Variants in SYNE1 observed in about 807,000 individuals in gnomAD.
The protein encoded by SYNE1 is nesprin-1.
SYNE1 carries 616 observed loss-of-function variants against 1,111.0 expected under a neutral mutation model. The ratio of observed to expected loss-of-function variants is 0.55; its 90% confidence interval spans 0.52 to 0.59. The LOEUF (loss-of-function observed/expected upper bound fraction) is 0.59. Ranked by LOEUF, SYNE1 falls within the 20% of genes least tolerant of loss-of-function variation. The probability of loss-of-function intolerance (pLI) is 0.00; values close to 1 mark genes in which losing one functional copy is unlikely to be tolerated. For missense variants in SYNE1, 10,006 were observed against 10,417.0 expected (o/e 0.96, Z 1.72); for synonymous variants, 3,855 against 3,825.8 (o/e 1.01, Z -0.28).
intron 98 of SYNE1, among the ~76,000 whole-genome samples, chr6:152,274,164 ACTT>A (rs2093417010): frequency 6.6e-6 from 1 of 152,170 alleles, no homozygotes; most frequent in South Asian, 2.1e-4. Context: ...AAATCATTCT[ACTT>A]CTGTTCAGTT....
intron 40 of SYNE1, 86 bp from the exon 41 acceptor site, chr6:152,417,101 C>G: frequency 6.3e-7 from 1 of 1,576,882 alleles, no homozygotes; most frequent in East Asian, 2.2e-5. Context: ...ATGTGAAGAT[C>G]TATTTTAGGT....
intron 34 of SYNE1, 91 bp downstream of exon 34, chr6:152,433,704 G>A (rs1364077031): frequency 8.1e-6 from 12 of 1,475,190 alleles, no homozygotes; most frequent in Non-Finnish European, 1.0e-5. Context: ...TGAAAGTCTT[G>A]TCCTGGGACC....
At chr6:152,573,637 A>G (rs1383077628) in intron 3 of SYNE1, among the ~76,000 whole-genome samples, 6 of 152,290 alleles carry the variant, frequency 3.9e-5, no homozygotes, top group Admixed American at 2.0e-4. Context: ...TATCTTCAAG[A>G]AATGTCAAGA....
At chr6:152,166,002 C>T (rs573716427) in intron 130 of SYNE1, among the ~76,000 whole-genome samples, 11 of 152,198 alleles carry the variant, frequency 7.2e-5, no homozygotes, top group South Asian at 2.1e-4. Context: ...CAGAGAGGTC[C>T]GTCCTGCTTT....
At chr6:152,141,111 A>C in intron 139 of SYNE1, 92 bp downstream of exon 139, 3 of 1,562,252 alleles carry the variant, frequency 1.9e-6, no homozygotes, top group African/African-American at 1.3e-5. Context: ...GTGTAGAAGA[A>C]GGCCAAGCCC....
At chr6:152,244,057 T>A (rs537380763) in intron 106 of SYNE1, among the ~76,000 whole-genome samples, 1 of 152,198 alleles carries the variant, frequency 6.6e-6, no homozygotes, top group Non-Finnish European at 1.5e-5. Context: ...ATTGAAACAA[T>A]GTCTCTATTC....
At chr6:152,350,970 A>T (rs2096731815) in intron 70 of SYNE1, among the ~76,000 whole-genome samples, 200 bp from the exon 71 acceptor site, 1 of 152,238 alleles carries the variant, frequency 6.6e-6, no homozygotes, top group African/African-American at 2.4e-5. Flanking sequence ...AGAGTCACAC[A>T]TCAAATGGCC....
chr6:152,253,817 GGTTTTTTTTTTTTTTTTTT>G (rs1191300345), intron 104 of SYNE1, among the ~76,000 whole-genome samples: 796 of 59,138 alleles, frequency 0.013, 63 homozygotes, highest in African/African-American at 0.054. Context: ...GTAGTGGTTT[GGTTTTTTTTTTTTTTTTTT>G]TTTTTTTTTT....
At chr6:152,630,251 T>C (rs898100713) in intron 2 of SYNE1, among the ~76,000 whole-genome samples, 3 of 152,142 alleles carry the variant, frequency 2.0e-5, no homozygotes, top group Non-Finnish European at 2.9e-5. Context: ...AGCGATGCAG[T>C]GAATGGAAGT....
intron 3 of SYNE1, among the ~76,000 whole-genome samples, chr6:152,543,686 G>A: frequency 6.6e-6 from 1 of 152,174 alleles, no homozygotes; most frequent in East Asian, 1.9e-4. Flanking sequence ...TGACAGTAGT[G>A]CCATAAGATT....
At chr6:152,354,200 C>T (rs1295260905) in intron 67 of SYNE1, among the ~76,000 whole-genome samples, 4 of 152,092 alleles carry the variant, frequency 2.6e-5, no homozygotes, top group Admixed American at 6.5e-5. Flanking sequence ...TTTAGACCTC[C>T]TATTGTACCT....
chr6:152,439,677 T>C (rs11964746), intron 32 of SYNE1, among the ~76,000 whole-genome samples: 3,774 of 152,038 alleles, frequency 0.025, 176 homozygotes, highest in African/African-American at 0.086. Context: ...TGGGAGAGAG[T>C]GAAGCCTTTT....
chr6:152,506,829 G>T (rs866134793), intron 8 of SYNE1, among the ~76,000 whole-genome samples: 1 of 152,136 alleles, frequency 6.6e-6, no homozygotes, highest in South Asian at 2.1e-4. Context: ...CACCTGCCTC[G>T]GCCCCCCAAA....
Position 152,373,223 on chromosome 6 carries a change from T to C in SYNE1, c.9325-4A>G, listed in dbSNP as rs1444975317. The C allele has an allele frequency of 3.1e-6, 5 of 1,607,882 alleles. No individual in the cohort carries two copies. The highest frequency in any genetic ancestry group is 1.1e-5 in the South Asian group (1 of 90,304). ...TTTCACTTTCTGACAAAAACTCCTATAAAAGAAAATATAGAATTAGCCATA... is the reference window on the plus strand; with the variant it reads ...TTTCACTTTCTGACAAAAACTCCTACAAAAGAAAATATAGAATTAGCCATA... On this transcript the variant is annotated splice_polypyrimidine_tract_variant and splice_region_variant and intron_variant, in intron 58 of 145. Transcript: ENST00000367255.
At position 152,416,416 on chromosome 6, in the gene SYNE1, T is replaced by C. The variant is rs533039765; in HGVS notation, c.6021A>G (p.Lys2007=). ...IEERTDKERL[K]EPTRQALQQR... is the part of the protein sequence containing the mutation. ...GCTGAAGAGCTTGGCGGGTAGGTTC[T>C]TTCAATCGCTCTTTGTCAGTCCTTT... The change falls in exon 41 of 146, where the codon AAA becomes AAG. Residue 2007 remains lysine, a synonymous_variant. Coordinates refer to ENST00000367255, the MANE Select transcript of SYNE1 (RefSeq NM_182961.4). The C allele has an allele frequency of 6.1e-5, 99 of 1,614,168 alleles. No individual in the cohort carries two copies. The East Asian group carries it at 2.1e-3, about 34-fold the overall frequency.
intron 39 of SYNE1, among the ~76,000 whole-genome samples, chr6:152,421,707 A>G (rs113046066): frequency 0.078 from 11,166 of 143,382 alleles, 930 homozygotes; most frequent in African/African-American, 0.23. Context: ...TTATTTATTT[A>G]TTTATTTATT....
chr6:152,597,887 G>A (rs974834504), intron 3 of SYNE1, among the ~76,000 whole-genome samples: 2 of 152,032 alleles, frequency 1.3e-5, no homozygotes, highest in Non-Finnish European at 2.9e-5. Context: ...ATATCATGAT[G>A]ATTTTTATAA....
At chr6:152,329,357 C>T (rs2096182381) in intron 78 of SYNE1, among the ~76,000 whole-genome samples, 2 of 152,138 alleles carry the variant, frequency 1.3e-5, no homozygotes, top group African/African-American at 4.8e-5. Flanking sequence ...GAAACCCTGT[C>T]TCTACTAAAA....
chr6:152,488,318 A>G, intron 12 of SYNE1, 78 bp downstream of exon 12: 10 of 748,708 alleles, frequency 1.3e-5, no homozygotes, highest in Non-Finnish European at 1.8e-5. Flanking sequence ...TGAAGCATTA[A>G]ATGGAGATCA....
Sources: gnomAD v4.1 joint callset for allele counts (sites outside exome capture counted in the v4.1 genomes callset) on GRCh38, gnomAD v4.1.1 for gene constraint, MANE v1.5 for transcripts, NCBI Gene and HGNC (gene_info 2026-07-23, HGNC 2026-07-21) for gene names.